Variants in ERCC3 observed in about 807,000 individuals in gnomAD.
ERCC3 encodes the protein general transcription and DNA repair factor IIH helicase/translocase subunit XPB.
Under a neutral mutation model 94.2 loss-of-function variants are expected in ERCC3, and 66 were observed. The observed-to-expected ratio is 0.70, with a 90% CI of 0.57 to 0.86. The LOEUF (loss-of-function observed/expected upper bound fraction) is 0.86, where lower values mean the gene tolerates loss of function less well. Among genes scored for constraint, ERCC3 ranks in the 40% least tolerant of loss-of-function variants. ERCC3 has a pLI of 0.00. For missense variants in ERCC3, 829 were observed against 987.1 expected, an observed-to-expected ratio of 0.84 and a Z score of 2.15; for synonymous variants, 349 against 369.1, an observed-to-expected ratio of 0.95 and a Z score of 0.63.
intron 3 of ERCC3, chr2:127,292,405 G>A: frequency 3.1e-6 from 2 of 644,350 alleles, no homozygotes; most frequent in South Asian, 3.4e-5. Flanking sequence ...GATCCAGAGT[G>A]TAGCGGCTCA....
At chr2:127,270,181 C>T (rs911378717) in intron 12 of ERCC3, among the ~76,000 whole-genome samples, 1 of 152,164 alleles carries the variant, frequency 6.6e-6, no homozygotes, top group Non-Finnish European at 1.5e-5. Context: ...GTACACACCA[C>T]CACGCCCAGC....
chr2:127,268,735 T>G (rs902751400), intron 12 of ERCC3, among the ~76,000 whole-genome samples: 1 of 152,214 alleles, frequency 6.6e-6, no homozygotes, highest in African/African-American at 2.4e-5. Flanking sequence ...GACGGCTATG[T>G]GCTCTGGGGA....
At chr2:127,293,951 A>G in intron 1 of ERCC3, 103 bp downstream of exon 1, 1 of 1,545,226 alleles carries the variant, frequency 6.5e-7, no homozygotes, top group Admixed American at 1.9e-5. Context: ...CGGGAGGGCC[A>G]GCAGGGTCGG....
chr2:127,279,485 G>GCTTTTAAACAAAACCCACTCCGACA lies in ERCC3; in HGVS notation c.1528-111_1528-110insTGTCGGAGTGGGTTTTGTTTAAAAG. On this transcript the variant is annotated intron_variant, in intron 9 of 14. Coordinates refer to ENST00000285398, the MANE Select transcript of ERCC3 (RefSeq NM_000122.2). The surrounding 1 kb of genome is among the most constrained non-coding windows in gnomAD (Gnocchi z 4.7). The stretch of plus-strand genomic sequence containing the variant: ...ATTAGCTTTAAAACAAAACCAGTCA[G>GCTTTTAAACAAAACCCACTCCGACA]GTGCAGTGGCTCATGCCTGTAATGC... 1.2e-6 allele frequency: 1 copy of GCTTTTAAACAAAACCCACTCCGACA among 852,132 alleles called. No individual in the cohort carries two copies. The highest frequency in any genetic ancestry group is 2.0e-6 in the Non-Finnish European group (1 of 507,266). The allele number at this position is 852,132 out of a possible 1,614,324, so 52.8% of individuals were successfully genotyped here. A position where few individuals can be genotyped will look rare whatever the true frequency, so the allele number is the denominator to read the frequency against.
At chr2:127,276,667 C>T (rs1343246477) in intron 10 of ERCC3, among the ~76,000 whole-genome samples, 2 of 152,020 alleles carry the variant, frequency 1.3e-5, no homozygotes, top group African/African-American at 4.8e-5. Context: ...CAAGAAGGGA[C>T]TACATAGAGA....
rs957455144 is a variant in ERCC3 at position 127,258,029 on chromosome 2, G to A, written c.2218-302C>T. On this transcript the variant is annotated intron_variant, in intron 14 of 14. Transcript: ENST00000285398. The surrounding 1 kb of genome is among the most constrained non-coding windows in gnomAD (Gnocchi z 4.1). ...AAGGAGATGGGATTTGAACACCCAGGTAGCCTGGCTTCAGACTGTTCTTAA... is the reference window on the plus strand; with the variant it reads ...AAGGAGATGGGATTTGAACACCCAGATAGCCTGGCTTCAGACTGTTCTTAA... Among the ~76,000 whole-genome samples, 2 of 152,062 alleles carry A rather than the reference G, an allele frequency of 1.3e-5. No homozygotes were observed. The highest frequency in any genetic ancestry group is 4.8e-5 in the African/African-American group (2 of 41,408).
intron 12 of ERCC3, among the ~76,000 whole-genome samples, chr2:127,266,895 T>C (rs1433910859): frequency 1.3e-5 from 2 of 152,004 alleles, no homozygotes; most frequent in Non-Finnish European, 2.9e-5. Flanking sequence ...TTTTGTATTT[T>C]AGTAGAGACG....
rs1239997092 is a variant in ERCC3 at position 127,272,924 on chromosome 2, T to G, written c.1768A>C (p.Met590Leu). ...TGCTTGAAATTCTGGAGAATTTGCA[T>G]CCTTTCCCCCTGAGACGTAGGTCCG... is the stretch of plus-strand genomic sequence containing the variant. Reference protein sequence around the residue: ...IYGPTSQGERMQILQNFKHNP... With the variant: ...IYGPTSQGERLQILQNFKHNP... Residue 590 changes from methionine to leucine, a missense_variant, in exon 11 of 15, where the codon ATG becomes CTG. Transcript: ENST00000285398. 1 of 1,613,454 alleles carries G rather than the reference T, an allele frequency of 6.2e-7. No homozygotes were observed. The highest frequency in any genetic ancestry group is 1.3e-5 in the African/African-American group (1 of 74,906).
chr2:127,282,756 C>T (rs531712498), intron 8 of ERCC3, among the ~76,000 whole-genome samples: 18 of 152,244 alleles, frequency 1.2e-4, no homozygotes, highest in South Asian at 4.1e-4. Flanking sequence ...GGTTTCACTC[C>T]GCAACTCAAC....
rs58195524 is a variant in ERCC3 at position 127,274,316 on chromosome 2, G to GAAAAAA, written c.1731-1361_1731-1356dup. Among the ~76,000 whole-genome samples the GAAAAAA allele has an allele frequency of 8.8e-6, 1 of 113,744 alleles. No individual in the cohort carries two copies. Among genetic ancestry groups the GAAAAAA allele is most frequent in the African/African-American group, 3.2e-5 (1 of 31,072 alleles). 74.6% of individuals were successfully genotyped at this position (113,744 alleles called of 152,430 possible). ...GGCAACAGAGTGAGACTCCGTCTCA[G>GAAAAAA]AAAAAAAAAAAAAAGAAAAAGAAAA... is the stretch of plus-strand genomic sequence containing the variant. On this transcript the variant is annotated intron_variant, in intron 10 of 14. Coordinates refer to ENST00000285398, the MANE Select transcript of ERCC3 (RefSeq NM_000122.2). This position sits in a 1 kb window ranked among gnomAD's most constrained non-coding sequence, Gnocchi z 4.0.
Position 127,273,883 on chromosome 2 carries a change from G to A in ERCC3, c.1731-922C>T, listed in dbSNP as rs866241275. On this transcript the variant is annotated intron_variant, in intron 10 of 14. Coordinates refer to ENST00000285398, the MANE Select transcript of ERCC3 (RefSeq NM_000122.2). Reference sequence around the variant, plus strand: ...CCTTCCCTCTGTCTTGGAATGTGACGGTGGACAGTTTTTGTAGCTTCCCAA... The same window carrying A: ...CCTTCCCTCTGTCTTGGAATGTGACAGTGGACAGTTTTTGTAGCTTCCCAA... 4.6e-5 allele frequency among the ~76,000 whole-genome samples: 7 copies of A among 151,902 alleles called. No individual in the cohort carries two copies. In the South Asian group the frequency reaches 1.2e-3, roughly 27 times the overall value.
chr2:127,279,183 G>A lies in ERCC3; in HGVS notation c.1720C>T (p.Arg574Ter), dbSNP rs768687646. 22 of 1,609,874 alleles carry A rather than the reference G, an allele frequency of 1.4e-5. No individual in the cohort carries two copies. Among genetic ancestry groups the A allele is most frequent in the African/African-American group, 8.0e-5 (6 of 74,846 alleles). The change falls in exon 10 of 15, where the codon CGA becomes TGA. Residue 574 changes from arginine to a stop codon, truncating the protein, a stop_gained. Transcript: ENST00000285398. LOFTEE classifies it high-confidence loss of function. This position sits in a 1 kb window ranked among gnomAD's most constrained non-coding sequence, Gnocchi z 4.7. ...NVFALKEYAI[R>*]LNKPYIYGPT... ...GTTTTCAATTCTTACTTGTTCAGTC[G>A]AATGGCATATTCCTTTAGGGCAAAC...
intron 3 of ERCC3, chr2:127,290,571 C>T: frequency 2.2e-6 from 1 of 464,290 alleles, no homozygotes. Context: ...AGCCCCCACC[C>T]TAGTCTAGAG....
chr2:127,275,149 TCC>T (rs1684693620), intron 10 of ERCC3, among the ~76,000 whole-genome samples: 1 of 152,010 alleles, frequency 6.6e-6, no homozygotes, highest in Admixed American at 6.6e-5. Flanking sequence ...GCTTGGAGAA[TCC>T]CCACCACACA....
chr2:127,292,801 TG>T lies in ERCC3; in HGVS notation c.279del (p.Tyr93Ter). The T allele has an allele frequency of 6.2e-7, 1 of 1,613,828 alleles. No individual in the cohort carries two copies. The highest frequency in any genetic ancestry group is 8.5e-7 in the Non-Finnish European group (1 of 1,180,000). ...GCCACCAAGAAGTCTTGGGCATATT[TG>T]TAAACTGGAGAGAAGGCTTCCAAGA... is the stretch of plus-strand genomic sequence containing the variant. ...HIFLEAFSPV[Y>X]KYAQDFLVAI... On this transcript the variant is annotated frameshift_variant, in exon 3 of 15. Coordinates refer to ENST00000285398, the MANE Select transcript of ERCC3 (RefSeq NM_000122.2). LOFTEE classifies it high-confidence loss of function.
chr2:127,262,633 G>A (rs1331347475), intron 12 of ERCC3: 2 of 152,308 alleles, frequency 1.3e-5, no homozygotes, highest in Non-Finnish European at 2.9e-5. Context: ...CCTAGAGCTG[G>A]GGGTTGGGAA....
Position 127,289,773 on chromosome 2 carries a change from G to A in ERCC3, c.573C>T (p.Asp191=), listed in dbSNP as rs2104776729. The change falls in exon 5 of 15, where the codon GAC becomes GAT. Residue 191 remains aspartate, a synonymous_variant. Coordinates refer to ENST00000285398, the MANE Select transcript of ERCC3 (RefSeq NM_000122.2). ...HPDVIQHLLQ[D]PVIRECRLRN... Reference sequence around the variant, plus strand: ...TTAAGCGGCATTCTCGGATCACGGGGTCCTGGAGAAGATGCTGGATTACAT... The same window carrying A: ...TTAAGCGGCATTCTCGGATCACGGGATCCTGGAGAAGATGCTGGATTACAT... 6.2e-7 allele frequency: 1 copy of A among 1,614,106 alleles called. No homozygotes were observed. The highest frequency in any genetic ancestry group is 8.5e-7 in the Non-Finnish European group (1 of 1,179,984).
chr2:127,280,757 C>A lies in ERCC3; in HGVS notation c.1343-126G>T. On this transcript the variant is annotated intron_variant, in intron 8 of 14. Coordinates refer to ENST00000285398, the MANE Select transcript of ERCC3 (RefSeq NM_000122.2). The surrounding 1 kb of genome is among the most constrained non-coding windows in gnomAD (Gnocchi z 6.3). ...GCCCAGGCTGGTCTTGAACTCCTGG[C>A]CTCAAGCAATCCCCCTGCCTTCGCC... 1 of 883,690 alleles carries A rather than the reference C, an allele frequency of 1.1e-6. No individual in the cohort carries two copies. Among genetic ancestry groups the A allele is most frequent in the East Asian group, 2.7e-5 (1 of 37,482 alleles). 54.7% of individuals were successfully genotyped at this position (883,690 alleles called of 1,614,324 possible).
At chr2:127,288,268 G>C (rs1685144286) in intron 7 of ERCC3, among the ~76,000 whole-genome samples, 1 of 152,184 alleles carries the variant, frequency 6.6e-6, no homozygotes, top group Non-Finnish European at 1.5e-5. Context: ...CAACCCCTAA[G>C]GCTGATTCAA....
Sources: gnomAD v4.1 joint callset for allele counts (sites outside exome capture counted in the v4.1 genomes callset) on GRCh38, gnomAD v4.1.1 for gene constraint, Gnocchi (gnomAD v3.1) non-coding constraint, MANE v1.5 for transcripts, NCBI Gene and HGNC (gene_info 2026-07-23, HGNC 2026-07-21) for gene names.